RNF149: variants seen among roughly 807,000 people sequenced by gnomAD.
RNF149 encodes the protein ring finger protein 149, also known as E3 ubiquitin-protein ligase RNF149.
RNF149 carries 21 observed loss-of-function variants against 39.0 expected under a neutral mutation model. The observed-to-expected ratio is 0.54, with a 90% confidence interval of 0.38 to 0.77. RNF149 has a LOEUF of 0.77. RNF149 is among the 30% of genes least tolerant of loss of function. The probability of loss-of-function intolerance (pLI) is 0.00; values close to 1 mark genes in which losing one functional copy is unlikely to be tolerated. For missense variants in RNF149, 493 were observed against 534.9 expected, an observed-to-expected ratio of 0.92 and a Z score of 0.77; for synonymous variants, 209 against 213.6, an observed-to-expected ratio of 0.98 and a Z score of 0.19.
intron 1 of RNF149, among the ~76,000 whole-genome samples, chr2:101,306,337 A>T (rs1342970304): frequency 1.3e-5 from 2 of 152,212 alleles, no homozygotes; most frequent in East Asian, 3.8e-4. Context: ...CTACTAAAGC[A>T]GGGAACACTG....
At chr2:101,280,186 A>AATG (rs1682522677) in intron 6 of RNF149, among the ~76,000 whole-genome samples, 4 of 132,576 alleles carry the variant, frequency 3.0e-5, no homozygotes, top group Non-Finnish European at 6.6e-5. Flanking sequence ...AAATAATAAT[A>AATG]ATAATAATAA....
chr2:101,287,298 G>A (rs1392160379), intron 4 of RNF149, among the ~76,000 whole-genome samples: 5 of 151,998 alleles, frequency 3.3e-5, no homozygotes, highest in African/African-American at 1.2e-4. Flanking sequence ...ACTCCAGTCT[G>A]GGCAACAAGA....
chr2:101,281,761 C>A, intron 6 of RNF149, 98 bp downstream of exon 6: 1 of 1,453,148 alleles, frequency 6.9e-7, no homozygotes. Context: ...CAAACTCGAG[C>A]AATCCTCCCA....
downstream of RNF149, chr2:101,273,476 C>CTATT: frequency 2.9e-6 from 1 of 350,412 alleles, no homozygotes; most frequent in Non-Finnish European, 5.5e-6. Flanking sequence ...ATATTTGTTT[C>CTATT]TTTTTTTTTT....
In RNF149 at chr2:101,277,081, A is replaced by C. The variant is rs1353190391; in HGVS notation, c.*157T>G. 7.2e-7 allele frequency: 1 copy of C among 1,396,282 alleles called. No homozygotes were observed. Among genetic ancestry groups the C allele is most frequent in the Non-Finnish European group, 9.5e-7 (1 of 1,055,782 alleles). 86.5% of individuals were successfully genotyped at this position (1,396,282 alleles called of 1,614,324 possible). On this transcript the variant is annotated 3_prime_UTR_variant, in exon 7 of 7. Transcript: ENST00000295317. The stretch of plus-strand genomic sequence containing the variant: ...CTAATCGAAAAGTCTCTTCAAGAAG[A>C]AAATATCTTAGTCCTTTGTATATCA...
chr2:101,292,267 CT>C (rs1477515113), intron 3 of RNF149, among the ~76,000 whole-genome samples: 2 of 152,114 alleles, frequency 1.3e-5, no homozygotes, highest in African/African-American at 2.4e-5. Context: ...TAGAAATCTT[CT>C]TAAAAATATA....
Position 101,291,564 on chromosome 2 carries a change from C to T in RNF149, c.780+2450G>A, listed in dbSNP as rs201355488. ...TCCCAAAGTGCTGGGATTACAGGTG[C>T]GAGCCACCCTGCCAGACCACATTTG... On this transcript the variant is annotated intron_variant, in intron 3 of 6. Coordinates refer to ENST00000295317, the MANE Select transcript of RNF149 (RefSeq NM_173647.4). 2.0e-4 allele frequency among the ~76,000 whole-genome samples: 30 copies of T among 152,038 alleles called. No homozygotes were observed. In the East Asian group the frequency reaches 2.9e-3, roughly 15 times the overall value.
In RNF149 at chr2:101,308,441, G is replaced by A; in HGVS notation, c.148C>T (p.Gln50Ter). Residue 50 changes from glutamine to a stop codon, truncating the protein, a stop_gained, in exon 1 of 7, where the codon CAG (glutamine) becomes TAG (stop). Transcript: ENST00000295317. LOFTEE classifies it high-confidence loss of function. ...ACGCTCCACACCGTCAGGTTGGTCT[G>A]CGGGTCCACGTACTCGATGTTTACC... ...AVVNIEYVDP[Q>*]TNLTVWSVSE... 1 of 1,611,610 alleles carries A rather than the reference G, an allele frequency of 6.2e-7. No homozygotes were observed. Among genetic ancestry groups the A allele is most frequent in the Non-Finnish European group, 8.5e-7 (1 of 1,179,376 alleles).
chr2:101,305,001 C>G (rs1290636202), intron 1 of RNF149, among the ~76,000 whole-genome samples: 1 of 151,898 alleles, frequency 6.6e-6, no homozygotes, highest in South Asian at 2.1e-4. Flanking sequence ...CCACCATGCC[C>G]GGCTAATTTT....
At chr2:101,278,658 A>T (rs1573218756) in intron 6 of RNF149, among the ~76,000 whole-genome samples, 1 of 152,340 alleles carries the variant, frequency 6.6e-6, no homozygotes, top group Non-Finnish European at 1.5e-5. Flanking sequence ...ATTACCTGAC[A>T]TATTCATTTG....
chr2:101,276,600 G>A lies in RNF149; in HGVS notation c.*638C>T. The A allele has an allele frequency of 2.0e-6, 2 of 985,558 alleles. No homozygotes were observed. The highest frequency in any genetic ancestry group is 9.4e-5 in the South Asian group (2 of 21,288). 61.1% of individuals were successfully genotyped at this position (985,558 alleles called of 1,614,324 possible). On this transcript the variant is annotated 3_prime_UTR_variant, in exon 7 of 7. Transcript: ENST00000295317. The stretch of plus-strand genomic sequence containing the variant: ...ATAAACAGATTTCCCTCCCCAACAA[G>A]GCGTCACAAGAAATGAGGCAATAAA...
chr2:101,276,514 C>T lies in RNF149; in HGVS notation c.*724G>A. The T allele has an allele frequency of 1.0e-6, 1 of 985,692 alleles. No homozygotes were observed. The highest frequency in any genetic ancestry group is 1.2e-6 in the Non-Finnish European group (1 of 829,866). 61.1% of individuals were successfully genotyped at this position (985,692 alleles called of 1,614,324 possible). On this transcript the variant is annotated 3_prime_UTR_variant, in exon 7 of 7. Transcript: ENST00000295317. ...TGCCTACTCATTTTCCTTAACAAGGCAATGAAGAACTTAATGCTCATGTGC... is the reference window on the plus strand; with the variant it reads ...TGCCTACTCATTTTCCTTAACAAGGTAATGAAGAACTTAATGCTCATGTGC...
chr2:101,280,193 A>G (rs944011901), intron 6 of RNF149, among the ~76,000 whole-genome samples: 2 of 139,342 alleles, frequency 1.4e-5, no homozygotes, highest in African/African-American at 5.1e-5. Context: ...AATAATAATA[A>G]TAATAATAAT....
At chr2:101,301,681 TTC>T (rs1320869504) in intron 1 of RNF149, among the ~76,000 whole-genome samples, 1 of 147,448 alleles carries the variant, frequency 6.8e-6, no homozygotes, top group Non-Finnish European at 1.5e-5. Flanking sequence ...AAGTGTTTAC[TTC>T]TGTTTTTTTG....
At chr2:101,307,981 C>G in intron 1 of RNF149, 148 bp downstream of exon 1, 1 of 1,430,394 alleles carries the variant, frequency 7.0e-7, no homozygotes, top group Admixed American at 3.1e-5. Context: ...ACCGAGCAAA[C>G]GAGGGCTTCC....
At position 101,279,515 on chromosome 2, in the gene RNF149, T is replaced by C. The variant is rs116070195; in HGVS notation, c.1160-2234A>G. ...GGCAAAGTTAGTTTTCTTTCTGGAG[T>C]TGGAAGGCAATGGCAAAATCACACT... On this transcript the variant is annotated intron_variant, in intron 6 of 6. Transcript: ENST00000295317. 6.3e-3 allele frequency among the ~76,000 whole-genome samples: 958 copies of C among 152,244 alleles called. 4 individuals are homozygous for C. Among genetic ancestry groups the C allele is most frequent in the African/African-American group, 0.022 (915 of 41,552 alleles).
rs1481679431 is a variant in RNF149 at position 101,277,231 on chromosome 2, A to G, written c.*7T>C. On this transcript the variant is annotated 3_prime_UTR_variant, in exon 7 of 7. Coordinates refer to ENST00000295317, the MANE Select transcript of RNF149 (RefSeq NM_173647.4). Reference sequence around the variant, plus strand: ...TTCTGTTGGTGCCACTTCAGTGGGCACGTGTGCTAGGAGATGGGTCCTCCA... The same window carrying G: ...TTCTGTTGGTGCCACTTCAGTGGGCGCGTGTGCTAGGAGATGGGTCCTCCA... 1 of 1,613,570 alleles carries G rather than the reference A, an allele frequency of 6.2e-7. No homozygotes were observed. Among genetic ancestry groups the G allele is most frequent in the Non-Finnish European group, 8.5e-7 (1 of 1,179,720 alleles).
intron 4 of RNF149, among the ~76,000 whole-genome samples, chr2:101,287,081 G>T (rs1161755420): frequency 6.6e-6 from 1 of 152,190 alleles, no homozygotes; most frequent in African/African-American, 2.4e-5. Context: ...CAACATTTTG[G>T]GAGGCCGAGG....
At chr2:101,278,548 TG>T (rs1478406518) in intron 6 of RNF149, among the ~76,000 whole-genome samples, 2 of 152,238 alleles carry the variant, frequency 1.3e-5, no homozygotes, top group Non-Finnish European at 2.9e-5. Flanking sequence ...TTGTATTTAC[TG>T]TTTAAATTGA....
Sources: gnomAD v4.1 joint callset for allele counts (sites outside exome capture counted in the v4.1 genomes callset) on GRCh38, gnomAD v4.1.1 for gene constraint, MANE v1.5 for transcripts, NCBI Gene and HGNC (gene_info 2026-07-23, HGNC 2026-07-21) for gene names.